Variants in ARHGAP8 observed in about 807,000 individuals in gnomAD.
ARHGAP8 encodes Rho GTPase activating protein 8, also known as rho GTPase-activating protein 8.
Under a neutral mutation model 46.1 loss-of-function variants are expected in ARHGAP8, and 62 were observed. The ratio of observed to expected loss-of-function variants is 1.34; its 90% CI spans 1.10 to 1.66. The LOEUF is 1.66. Ranked by LOEUF, ARHGAP8 falls within the 40% of genes most tolerant of loss-of-function variation. The probability of loss-of-function intolerance (pLI) is 0.00; values close to 1 mark genes in which losing one functional copy is unlikely to be tolerated. For synonymous variants in ARHGAP8, 375 were observed against 243.1 expected (o/e 1.54, Z -5.05); for missense variants, 923 against 568.4 (o/e 1.62, Z -6.34).
At chr22:44,818,550 T>TCCATTAC (rs1393908406) in intron 5 of ARHGAP8, among the ~76,000 whole-genome samples, 1 of 152,068 alleles carries the variant, frequency 6.6e-6, no homozygotes, top group Non-Finnish European at 1.5e-5. Flanking sequence ...CCCCTTGCCA[T>TCCATTAC]CCATTACCCA....
intron 7 of ARHGAP8, among the ~76,000 whole-genome samples, chr22:44,839,635 C>T (rs578253614): frequency 3.3e-5 from 5 of 152,310 alleles, no homozygotes; most frequent in Admixed American, 6.5e-5. Context: ...CTGGCCTCTC[C>T]TAGTGTCGTC....
At chr22:44,760,382 AG>A (rs1396279824) in intron 1 of ARHGAP8, among the ~76,000 whole-genome samples, 1 of 152,186 alleles carries the variant, frequency 6.6e-6, no homozygotes, top group Non-Finnish European at 1.5e-5. Flanking sequence ...GGACTTTCCC[AG>A]GAGTCGCTGG....
chr22:44,779,274 T>A (rs1309075275), intron 1 of ARHGAP8, among the ~76,000 whole-genome samples: 1 of 151,936 alleles, frequency 6.6e-6, no homozygotes, highest in African/African-American at 2.4e-5. Context: ...CTAATTTTTG[T>A]ATTTTTAGTA....
intron 2 of ARHGAP8, among the ~76,000 whole-genome samples, chr22:44,798,393 G>A (rs900323008): frequency 1.3e-5 from 2 of 152,128 alleles, no homozygotes; most frequent in African/African-American, 2.4e-5. Context: ...GATTACAGGC[G>A]TGAGCCACTG....
Position 44,814,759 on chromosome 22 carries a change from G to A in ARHGAP8, c.386+1G>A. The stretch of plus-strand genomic sequence containing the variant: ...GGAACATCTTGAAGCCCCTCATCAG[G>A]TATGCGTCACTCTGGGAGAGGACCT... On this transcript the variant is annotated splice_donor_variant, in intron 5 of 11. Coordinates refer to ENST00000356099, the MANE Select transcript of ARHGAP8 (RefSeq NM_181335.3). LOFTEE classifies it high-confidence loss of function. 1.2e-6 allele frequency: 2 copies of A among 1,613,876 alleles called. No homozygotes were observed. The highest frequency in any genetic ancestry group is 4.5e-5 in the East Asian group (2 of 44,876).
chr22:44,758,574 T>C (rs1407096459), intron 1 of ARHGAP8, among the ~76,000 whole-genome samples: 4 of 151,664 alleles, frequency 2.6e-5, no homozygotes, highest in Non-Finnish European at 2.9e-5. Context: ...AGAAACCATC[T>C]GTGGCTCACT....
intron 7 of ARHGAP8, among the ~76,000 whole-genome samples, chr22:44,841,463 G>A (rs1602252057): frequency 6.6e-6 from 1 of 152,182 alleles, no homozygotes; most frequent in Non-Finnish European, 1.5e-5. Context: ...TGCCTTCCAA[G>A]TGCACTCCTA....
Position 44,862,761 on chromosome 22 carries a change from G to A in ARHGAP8, c.*166G>A, listed in dbSNP as rs2070564954. ...CCTTGGACTCTTGTCCATGGTTCCT[G>A]AGCTGTGGACCGGGATAGAATAATG... On this transcript the variant is annotated 3_prime_UTR_variant, in exon 12 of 12. Transcript: ENST00000356099. 32 of 845,508 alleles carry A rather than the reference G, an allele frequency of 3.8e-5. No homozygotes were observed. Among genetic ancestry groups the A allele is most frequent in the Non-Finnish European group, 5.0e-5 (29 of 576,092 alleles). 52.4% of individuals were successfully genotyped at this position (845,508 alleles called of 1,614,324 possible).
At chr22:44,783,937 T>C (rs1927032044) in intron 1 of ARHGAP8, among the ~76,000 whole-genome samples, 1 of 152,142 alleles carries the variant, frequency 6.6e-6, no homozygotes, top group Non-Finnish European at 1.5e-5. Flanking sequence ...TGCCTCATTC[T>C]TGTAAGGACC....
intron 1 of ARHGAP8, among the ~76,000 whole-genome samples, chr22:44,759,900 C>G (rs1041461079): frequency 8.5e-5 from 13 of 152,224 alleles, no homozygotes; most frequent in African/African-American, 3.1e-4. Context: ...CGAATGATCA[C>G]CTGGGTGCCC....
At chr22:44,779,300 C>T (rs1173582410) in intron 1 of ARHGAP8, among the ~76,000 whole-genome samples, 2 of 151,630 alleles carry the variant, frequency 1.3e-5, no homozygotes, top group African/African-American at 4.8e-5. Flanking sequence ...GGGGTTTCAC[C>T]ATGTTGACCA....
chr22:44,791,635 C>T (rs1281024174), intron 2 of ARHGAP8, among the ~76,000 whole-genome samples: 13 of 152,060 alleles, frequency 8.5e-5, no homozygotes, highest in Admixed American at 7.2e-4. Flanking sequence ...ACCCAGGAGG[C>T]GGAGGTTGCA....
chr22:44,859,261 G>A (rs1207633826), intron 10 of ARHGAP8, among the ~76,000 whole-genome samples: 1 of 152,192 alleles, frequency 6.6e-6, no homozygotes, highest in South Asian at 2.1e-4. Flanking sequence ...GGTGGCAGGT[G>A]ATTGGATCAT....
At chr22:44,862,233 C>T (rs1442322955) in intron 11 of ARHGAP8, 42 bp from the exon 12 acceptor site, 3 of 1,550,388 alleles carry the variant, frequency 1.9e-6, no homozygotes, top group South Asian at 1.2e-5. Context: ...GCCCGTGCCC[C>T]TTGGTGTTCA....
At chr22:44,757,406 T>G (rs1924770228) in intron 1 of ARHGAP8, among the ~76,000 whole-genome samples, 2 of 152,124 alleles carry the variant, frequency 1.3e-5, no homozygotes, top group Non-Finnish European at 2.9e-5. Flanking sequence ...GCCTCCCAAG[T>G]AGCTGAAATT....
chr22:44,763,804 T>C (rs1245016100), intron 1 of ARHGAP8, among the ~76,000 whole-genome samples: 1 of 77,866 alleles, frequency 1.3e-5, no homozygotes, highest in Non-Finnish European at 2.6e-5. Flanking sequence ...TTTCTTTTCT[T>C]TTTTTTTTTT....
chr22:44,859,921 C>G (rs1028993613), intron 11 of ARHGAP8, 87 bp downstream of exon 11: 12 of 1,475,858 alleles, frequency 8.1e-6, no homozygotes, highest in Admixed American at 2.0e-5. Flanking sequence ...CCTCCTTGCC[C>G]TGGGTCTGGG....
At chr22:44,806,457 T>C (rs1390048771) in intron 3 of ARHGAP8, among the ~76,000 whole-genome samples, 3 of 152,152 alleles carry the variant, frequency 2.0e-5, no homozygotes, top group Middle Eastern at 3.2e-3. Context: ...ACGCTGAGTG[T>C]GTGGAAGCTG....
intron 1 of ARHGAP8, among the ~76,000 whole-genome samples, chr22:44,779,708 T>A (rs1213083447): frequency 1.3e-5 from 2 of 151,638 alleles, no homozygotes; most frequent in Non-Finnish European, 2.9e-5. Flanking sequence ...ATTACAGGTG[T>A]GAGCCATGGG....
Sources: gnomAD v4.1 joint callset for allele counts (sites outside exome capture counted in the v4.1 genomes callset) on GRCh38, gnomAD v4.1.1 for gene constraint, MANE v1.5 for transcripts, NCBI Gene and HGNC (gene_info 2026-07-23, HGNC 2026-07-21) for gene names.